RASAL2: variants seen among roughly 807,000 people sequenced by gnomAD.
The protein encoded by RASAL2 is RAS protein activator like 2, also known as ras GTPase-activating protein nGAP.
In RASAL2, 58 loss-of-function variants were observed where a neutral mutation model predicts 128.9. The observed-to-expected ratio is 0.45, with a 90% CI of 0.36 to 0.56. The LOEUF is 0.56. Among genes scored for constraint, RASAL2 ranks in the 20% least tolerant of loss-of-function variants. The probability of loss-of-function intolerance (pLI) is 0.00; values close to 1 mark genes in which losing one functional copy is unlikely to be tolerated. For synonymous variants in RASAL2, 561 were observed against 580.8 expected (o/e 0.97, Z 0.49); for missense variants, 1,360 against 1,601.6 (o/e 0.85, Z 2.57).
At position 178,443,110 on chromosome 1, in the gene RASAL2, T is replaced by TA. The variant is rs1676784495; in HGVS notation, c.1363_1364insA (p.Phe455TyrfsTer14). 1 of 1,613,892 alleles carries TA rather than the reference T, an allele frequency of 6.2e-7. No homozygotes were observed. The highest frequency in any genetic ancestry group is 1.7e-5 in the Admixed American group (1 of 59,948). ...GGAGCAATACAAAGAATTTGCAGAA[T>TA]TTGTCACCAGCAACTACACCATGCT... On this transcript the variant is annotated frameshift_variant, in exon 8 of 18. Transcript: ENST00000367649. LOFTEE classifies it high-confidence loss of function.
At chr1:178,258,900 T>C (rs1206859629) in intron 1 of RASAL2, among the ~76,000 whole-genome samples, 11 of 152,100 alleles carry the variant, frequency 7.2e-5, no homozygotes, top group Non-Finnish European at 1.3e-4. Flanking sequence ...ATGTAGTATA[T>C]CTATACAATA....
intron 3 of RASAL2, among the ~76,000 whole-genome samples, chr1:178,370,625 G>T (rs1382400214): frequency 6.6e-6 from 1 of 152,006 alleles, no homozygotes; most frequent in Non-Finnish European, 1.5e-5. Flanking sequence ...TTTAAATGAG[G>T]TCCTAAAATA....
intron 3 of RASAL2, among the ~76,000 whole-genome samples, chr1:178,363,502 C>CTT (rs1219037612): frequency 6.6e-6 from 1 of 152,110 alleles, no homozygotes; most frequent in Non-Finnish European, 1.5e-5. Flanking sequence ...AGGCTATTAA[C>CTT]TTTTATCCGG....
intron 3 of RASAL2, among the ~76,000 whole-genome samples, chr1:178,366,948 C>A (rs1304667502): frequency 6.6e-6 from 1 of 151,978 alleles, no homozygotes; most frequent in Admixed American, 6.6e-5. Flanking sequence ...TGCTAATGGA[C>A]ACAGAGTTTC....
Position 178,307,637 on chromosome 1 carries a change from A to C in RASAL2, c.457+7519A>C, listed in dbSNP as rs550227704. On this transcript the variant is annotated intron_variant, in intron 3 of 17. Transcript: ENST00000367649. Reference sequence around the variant, plus strand: ...TATCAAATAGCTTGCAAGAACTCTGAGAAGGGGGAAAAGTGAAAGCTGAAG... The same window carrying C: ...TATCAAATAGCTTGCAAGAACTCTGCGAAGGGGGAAAAGTGAAAGCTGAAG... Among the ~76,000 whole-genome samples the C allele has an allele frequency of 6.6e-5, 10 of 152,352 alleles. No homozygotes were observed. In the South Asian group the frequency reaches 2.1e-3, roughly 32 times the overall value.
At chr1:178,242,918 A>AATTG (rs1664584280) in intron 1 of RASAL2, among the ~76,000 whole-genome samples, 1 of 152,202 alleles carries the variant, frequency 6.6e-6, no homozygotes, top group East Asian at 1.9e-4. Context: ...GATAATTTCT[A>AATTG]ATTGATTCTG....
At chr1:178,385,596 G>A (rs550266296) in intron 3 of RASAL2, among the ~76,000 whole-genome samples, 1 of 151,350 alleles carries the variant, frequency 6.6e-6, no homozygotes, top group South Asian at 2.1e-4. Flanking sequence ...TATATGTTTT[G>A]GTGCAAAATT....
At chr1:178,314,592 T>C (rs1289092015) in intron 3 of RASAL2, among the ~76,000 whole-genome samples, 1 of 138,950 alleles carries the variant, frequency 7.2e-6, no homozygotes, top group African/African-American at 3.4e-5. Flanking sequence ...TATCTCTTTT[T>C]CCCCCAAAAT....
chr1:178,410,480 A>G (rs989106475), intron 4 of RASAL2, among the ~76,000 whole-genome samples: 3 of 152,222 alleles, frequency 2.0e-5, no homozygotes, highest in Non-Finnish European at 4.4e-5. Context: ...CTTCGTGATC[A>G]AGAACCCAAA....
In RASAL2 at chr1:178,262,622, T is replaced by A. The variant is rs78147520; in HGVS notation, c.203-20942T>A. Among the ~76,000 whole-genome samples the A allele has an allele frequency of 8.2e-3, 1,256 of 152,280 alleles. 32 individuals are homozygous for A. Among genetic ancestry groups the A allele is most frequent in the East Asian group, 0.064 (332 of 5,184 alleles). ...AAGTATATACACATTTTTGTACCAA[T>A]TGAAACCTGTAGAGAAATAGATGAA... On this transcript the variant is annotated intron_variant, in intron 1 of 17. Transcript: ENST00000367649.
chr1:178,459,556 T>C (rs1202936143), intron 14 of RASAL2, among the ~76,000 whole-genome samples: 1 of 152,150 alleles, frequency 6.6e-6, no homozygotes, highest in Admixed American at 6.5e-5. Flanking sequence ...TTGTATCTGT[T>C]ATATATTTGC....
At chr1:178,206,888 A>G (rs1430993413) in intron 1 of RASAL2, among the ~76,000 whole-genome samples, 2 of 152,150 alleles carry the variant, frequency 1.3e-5, no homozygotes, top group Non-Finnish European at 2.9e-5. Context: ...AAAAGTAATG[A>G]TCTCAGCCAG....
intron 1 of RASAL2, among the ~76,000 whole-genome samples, chr1:178,126,303 G>T (rs945743359): frequency 6.6e-6 from 1 of 152,172 alleles, no homozygotes; most frequent in African/African-American, 2.4e-5. Context: ...CACATGTAAA[G>T]ATATATAATG....
intron 1 of RASAL2, among the ~76,000 whole-genome samples, chr1:178,202,452 C>T (rs1558112024): frequency 1.3e-5 from 2 of 152,232 alleles, no homozygotes; most frequent in African/African-American, 2.4e-5. Context: ...TGCAGCACTA[C>T]AGCCCCTTTC....
chr1:178,457,716 C>T lies in RASAL2; in HGVS notation c.2424C>T (p.Asp808=), dbSNP rs772052002. 1.9e-6 allele frequency: 3 copies of T among 1,614,082 alleles called. No individual in the cohort carries two copies. In the East Asian group the frequency reaches 6.7e-5, roughly 36 times the overall value. Residue 808 remains aspartate (D), a synonymous_variant, in exon 14 of 18, where the codon GAC becomes GAT. Coordinates refer to ENST00000367649, the MANE Select transcript of RASAL2 (RefSeq NM_170692.4). Reference sequence around the variant, plus strand: ...ATAAACTAAAATCTCCAAGCCAGGACAACACAGACAGCTACTTCAGAGGGA... The same window carrying T: ...ATAAACTAAAATCTCCAAGCCAGGATAACACAGACAGCTACTTCAGAGGGA... ...DLHKLKSPSQ[D]NTDSYFRGKT...
chr1:178,470,290 G>A (rs1322293532), intron 17 of RASAL2, among the ~76,000 whole-genome samples: 2 of 152,178 alleles, frequency 1.3e-5, no homozygotes, highest in South Asian at 2.1e-4. Flanking sequence ...TGGTTTTCAT[G>A]TCTCTCAGCA....
chr1:178,248,281 A>G (rs1664872122), intron 1 of RASAL2, among the ~76,000 whole-genome samples: 1 of 152,186 alleles, frequency 6.6e-6, no homozygotes, highest in African/African-American at 2.4e-5. Flanking sequence ...TATTTAGGAT[A>G]GTTAGCTCTT....
chr1:178,473,350 G>A lies in RASAL2; in HGVS notation c.*111G>A. The A allele has an allele frequency of 7.4e-7, 1 of 1,352,360 alleles. No homozygotes were observed. Among genetic ancestry groups the A allele is most frequent in the Non-Finnish European group, 1.0e-6 (1 of 978,980 alleles). 83.8% of individuals were successfully genotyped at this position (1,352,360 alleles called of 1,614,324 possible). ...AATGTTGCTACTTCACAATGGCGAT[G>A]TGGTGAGAAACTCCTGAATGAAGAA... On this transcript the variant is annotated 3_prime_UTR_variant, in exon 18 of 18. Coordinates refer to ENST00000367649, the MANE Select transcript of RASAL2 (RefSeq NM_170692.4).
At chr1:178,380,038 C>T (rs1672197823) in intron 3 of RASAL2, among the ~76,000 whole-genome samples, 1 of 152,252 alleles carries the variant, frequency 6.6e-6, no homozygotes, top group East Asian at 1.9e-4. Context: ...AGTCGCACGC[C>T]GCCACGCCCA....
Sources: allele counts gnomAD v4.1 joint callset (sites outside exome capture counted in the v4.1 genomes callset), GRCh38; gene constraint gnomAD v4.1.1; transcripts MANE v1.5; gene names NCBI Gene and HGNC (gene_info 2026-07-23, HGNC 2026-07-21).